AKAP6: variants seen among roughly 807,000 people sequenced by gnomAD.
AKAP6 encodes A-kinase anchor protein 6.
A neutral mutation model predicts 188.5 loss-of-function variants in AKAP6; 58 were observed. The observed-to-expected ratio is 0.31, with a 90% CI of 0.25 to 0.38. The LOEUF (loss-of-function observed/expected upper bound fraction) is 0.38. Ranked by LOEUF, AKAP6 falls within the 10% of genes least tolerant of loss-of-function variation. The probability of loss-of-function intolerance (pLI) is 1.00; values close to 1 mark genes in which losing one functional copy is unlikely to be tolerated. For synonymous variants in AKAP6, 989 were observed against 998.6 expected, an observed-to-expected ratio of 0.99 and a Z score of 0.18; for missense variants, 2,710 against 2,740.0, an observed-to-expected ratio of 0.99 and a Z score of 0.24.
rs996412506 is a variant in AKAP6 at position 32,621,625 on chromosome 14, G to C, written c.2730+20833G>C. Among the ~76,000 whole-genome samples the C allele has an allele frequency of 5.3e-5, 8 of 152,138 alleles. No homozygotes were observed. The East Asian group carries it at 5.8e-4, about 11-fold the overall frequency. ...TATCTTGGAGAATGTTCCATGTGCT[G>C]ACGAGAATAATGTATATTATACAGT... On this transcript the variant is annotated intron_variant, in intron 7 of 13. Coordinates refer to ENST00000280979, the MANE Select transcript of AKAP6 (RefSeq NM_004274.5).
intron 7 of AKAP6, among the ~76,000 whole-genome samples, chr14:32,642,332 G>A (rs1291495980): frequency 1.3e-5 from 2 of 152,122 alleles, no homozygotes; most frequent in Middle Eastern, 3.2e-3. Flanking sequence ...GCAGCCAGTG[G>A]CATTGTATTT....
At chr14:32,581,248 T>C (rs1218322269) in intron 5 of AKAP6, among the ~76,000 whole-genome samples, 1 of 152,236 alleles carries the variant, frequency 6.6e-6, no homozygotes, top group Non-Finnish European at 1.5e-5. Context: ...CATTTCGTTA[T>C]GTACCCAGTA....
At chr14:32,796,318 A>C (rs184144255) in intron 12 of AKAP6, among the ~76,000 whole-genome samples, 19 of 152,366 alleles carry the variant, frequency 1.2e-4, no homozygotes, top group Admixed American at 1.1e-3. Context: ...CTGAATAACC[A>C]AGACAATCCT....
At chr14:32,476,646 T>C (rs1475657136) in intron 2 of AKAP6, among the ~76,000 whole-genome samples, 2 of 152,194 alleles carry the variant, frequency 1.3e-5, no homozygotes, top group Non-Finnish European at 2.9e-5. Flanking sequence ...TCTTTCTGAA[T>C]CACAGTGCTA....
At chr14:32,503,224 C>G (rs1880694532) in intron 2 of AKAP6, among the ~76,000 whole-genome samples, 2 of 152,044 alleles carry the variant, frequency 1.3e-5, no homozygotes, top group South Asian at 2.1e-4. Flanking sequence ...ATTTGTGTTA[C>G]TTGTTCTATG....
intron 8 of AKAP6, among the ~76,000 whole-genome samples, chr14:32,694,739 CAGGCACACCTTAAG>C (rs372999762): frequency 0.24 from 36,871 of 151,844 alleles, 5,591 homozygotes; most frequent in South Asian, 0.38. Flanking sequence ...ACCCCATCAC[CAGGCACACCTTAAG>C]TTTTTTGACA....
chr14:32,439,973 A>T lies in AKAP6; in HGVS notation c.324+6156A>T, dbSNP rs561623478. Reference sequence around the variant, plus strand: ...AGTTATTTTCATTTTTGCCCTTTAGATCACTATTTTTCAACAAATAGATCT... The same window carrying T: ...AGTTATTTTCATTTTTGCCCTTTAGTTCACTATTTTTCAACAAATAGATCT... On this transcript the variant is annotated intron_variant, in intron 2 of 13. Transcript: ENST00000280979. Among the ~76,000 whole-genome samples, 39 of 152,288 alleles carry T rather than the reference A, an allele frequency of 2.6e-4. 1 individual carries two copies. The South Asian group carries it at 8.1e-3, about 32-fold the overall frequency.
intron 8 of AKAP6, among the ~76,000 whole-genome samples, chr14:32,687,473 C>G (rs942255010): frequency 1.3e-4 from 19 of 149,338 alleles, no homozygotes; most frequent in African/African-American, 4.7e-4. Context: ...TTTTCTCTCT[C>G]TCTTACAAAC....
chr14:32,401,138 C>G lies in AKAP6; in HGVS notation c.-34-32322C>G, dbSNP rs116083218. On this transcript the variant is annotated intron_variant, in intron 1 of 13. Transcript: ENST00000280979. ...CCTTCCTCGTGAGAATGAAGCTAAT[C>G]TAGGGTATAGGGGCAGAGCCAGGAG... 8.7e-3 allele frequency among the ~76,000 whole-genome samples: 1,322 copies of G among 152,262 alleles called. 27 individuals are homozygous for G. Among genetic ancestry groups the G allele is most frequent in the African/African-American group, 0.03 (1,243 of 41,548 alleles).
At chr14:32,610,327 A>G (rs897814939) in intron 7 of AKAP6, among the ~76,000 whole-genome samples, 7 of 152,142 alleles carry the variant, frequency 4.6e-5, no homozygotes, top group Non-Finnish European at 1.0e-4. Context: ...TAATTCTTCT[A>G]GTTTACCCAC....
intron 7 of AKAP6, among the ~76,000 whole-genome samples, chr14:32,611,721 T>A (rs1256355570): frequency 1.3e-5 from 2 of 152,060 alleles, no homozygotes; most frequent in African/African-American, 4.8e-5. Context: ...AGCTGGGGAA[T>A]GGTATTATAG....
chr14:32,743,375 T>C (rs1173659507), intron 11 of AKAP6, among the ~76,000 whole-genome samples: 8 of 152,192 alleles, frequency 5.3e-5, no homozygotes, highest in Non-Finnish European at 1.2e-4. Context: ...AGCATTATTA[T>C]TGATAAGTTA....
At chr14:32,426,308 G>T (rs1221363901) in intron 1 of AKAP6, among the ~76,000 whole-genome samples, 1 of 152,038 alleles carries the variant, frequency 6.6e-6, no homozygotes, top group Non-Finnish European at 1.5e-5. Context: ...GAGGGGGAGA[G>T]GAGAGACAGA....
intron 2 of AKAP6, among the ~76,000 whole-genome samples, chr14:32,522,822 C>T (rs1411640916): frequency 1.3e-5 from 2 of 152,172 alleles, no homozygotes; most frequent in African/African-American, 4.8e-5. Flanking sequence ...CCATTTTACC[C>T]AGCCATCCCA....
At chr14:32,743,074 C>G (rs2031747657) in intron 11 of AKAP6, among the ~76,000 whole-genome samples, 1 of 151,954 alleles carries the variant, frequency 6.6e-6, no homozygotes, top group Non-Finnish European at 1.5e-5. Context: ...ATACATCTTT[C>G]AAATTGTATC....
chr14:32,710,869 G>A (rs1001920121), intron 9 of AKAP6, among the ~76,000 whole-genome samples: 2 of 152,032 alleles, frequency 1.3e-5, no homozygotes, highest in African/African-American at 4.8e-5. Flanking sequence ...GTCACATGCA[G>A]CCTACCACTC....
At chr14:32,779,986 C>T (rs1235447669) in intron 12 of AKAP6, among the ~76,000 whole-genome samples, 1 of 151,710 alleles carries the variant, frequency 6.6e-6, no homozygotes, top group South Asian at 2.1e-4. Flanking sequence ...ATAGAACTAC[C>T]GTATGACCCA....
At chr14:32,416,445 G>A (rs1192871391) in intron 1 of AKAP6, among the ~76,000 whole-genome samples, 1 of 152,070 alleles carries the variant, frequency 6.6e-6, no homozygotes, top group Non-Finnish European at 1.5e-5. Flanking sequence ...TCCCTTATCA[G>A]ATATATGCAA....
chr14:32,611,722 G>T (rs1886359374), intron 7 of AKAP6, among the ~76,000 whole-genome samples: 1 of 152,110 alleles, frequency 6.6e-6, no homozygotes, highest in Non-Finnish European at 1.5e-5. Flanking sequence ...GCTGGGGAAT[G>T]GTATTATAGC....
Sources: allele counts gnomAD v4.1 joint callset (sites outside exome capture counted in the v4.1 genomes callset), GRCh38; gene constraint gnomAD v4.1.1; transcripts MANE v1.5; gene names NCBI Gene and HGNC (gene_info 2026-07-23, HGNC 2026-07-21).